TMEM30A: variants seen among roughly 807,000 people sequenced by gnomAD.
TMEM30A encodes the protein cell division cycle 50 P4-ATPase accessory subunit A.
A neutral mutation model predicts 38.2 loss-of-function variants in TMEM30A; 24 were observed. The ratio of observed to expected loss-of-function variants is 0.63; its 90% CI spans 0.46 to 0.88. TMEM30A has a LOEUF of 0.88. TMEM30A is among the 40% of genes least tolerant of loss of function. The pLI, the probability that TMEM30A is intolerant of heterozygous loss-of-function variation, is 0.00. For missense variants in TMEM30A, 370 were observed against 458.6 expected, an observed-to-expected ratio of 0.81 and a Z score of 1.77; for synonymous variants, 145 against 161.6, an observed-to-expected ratio of 0.90 and a Z score of 0.78.
chr6:75,257,111 C>T (rs1343827472), intron 6 of TMEM30A, among the ~76,000 whole-genome samples: 8 of 152,164 alleles, frequency 5.3e-5, no homozygotes, highest in Non-Finnish European at 1.2e-4. Context: ...CTCCCAATGG[C>T]AGGTTCAGTT....
chr6:75,284,749 A>C lies in TMEM30A; in HGVS notation c.-111T>G. ...CGCTGCCGCCGCCGCCGCCGCAGCC[A>C]CCAGCGCCACCGCCACAGCCACCTC... is the stretch of plus-strand genomic sequence containing the variant. On this transcript the variant is annotated 5_prime_UTR_variant, in exon 1 of 7. Transcript: ENST00000230461. 4 of 982,366 alleles carry C rather than the reference A, an allele frequency of 4.1e-6. No homozygotes were observed. The highest frequency in any genetic ancestry group is 1.8e-5 in the Admixed American group (1 of 54,354). 60.9% of individuals were successfully genotyped at this position (982,366 alleles called of 1,614,324 possible).
At chr6:75,257,906 T>C (rs755807117) in intron 6 of TMEM30A, among the ~76,000 whole-genome samples, 1 of 152,176 alleles carries the variant, frequency 6.6e-6, no homozygotes, top group South Asian at 2.1e-4. Flanking sequence ...TCACTCACAG[T>C]GTATGTAAAA....
At chr6:75,270,121 T>A (rs546764332) in intron 1 of TMEM30A, among the ~76,000 whole-genome samples, 2 of 152,330 alleles carry the variant, frequency 1.3e-5, no homozygotes, top group South Asian at 4.1e-4. Context: ...TTTACTTTTG[T>A]AAGAAACTGC....
At chr6:75,278,049 CT>C (rs535268279) in intron 1 of TMEM30A, among the ~76,000 whole-genome samples, 3 of 151,638 alleles carry the variant, frequency 2.0e-5, no homozygotes, top group South Asian at 2.1e-4. Context: ...ACTCCTATAA[CT>C]TTTTTTTTAA....
chr6:75,259,332 T>C lies in TMEM30A; in HGVS notation c.685+15A>G, dbSNP rs779480990. ...TCCTAGTTTAATTTTTTAAGGGATA[T>C]TAGTAATGTTTTACCTTTAAATCGT... is the stretch of plus-strand genomic sequence containing the variant. On this transcript the variant is annotated intron_variant, in intron 5 of 6. Coordinates refer to ENST00000230461, the MANE Select transcript of TMEM30A (RefSeq NM_018247.4). The C allele has an allele frequency of 1.3e-6, 2 of 1,598,530 alleles. No individual in the cohort carries two copies. Among genetic ancestry groups the C allele is most frequent in the Admixed American group, 1.8e-5 (1 of 55,824 alleles).
chr6:75,272,162 G>A (rs1048991388), intron 1 of TMEM30A, among the ~76,000 whole-genome samples: 5 of 152,132 alleles, frequency 3.3e-5, no homozygotes, highest in African/African-American at 1.2e-4. Context: ...CTAAGTGCTG[G>A]GCATTGTAAG....
intron 3 of TMEM30A, 52 bp from the exon 4 acceptor site, chr6:75,260,963 G>T: frequency 7.8e-7 from 1 of 1,274,960 alleles, no homozygotes; most frequent in Non-Finnish European, 1.1e-6. Flanking sequence ...GCCTTTGGGA[G>T]AACTATGAGC....
intron 4 of TMEM30A, among the ~76,000 whole-genome samples, chr6:75,260,201 C>CA: frequency 6.6e-6 from 1 of 151,922 alleles, no homozygotes; most frequent in East Asian, 1.9e-4. Flanking sequence ...GTCAGGAATA[C>CA]AAGACCAGCC....
In TMEM30A at chr6:75,258,882, C is replaced by T; in HGVS notation, c.790G>A (p.Ala264Thr). 1.2e-6 allele frequency: 2 copies of T among 1,613,898 alleles called. No individual in the cohort carries two copies. Among genetic ancestry groups the T allele is most frequent in the South Asian group, 1.1e-5 (1 of 91,070 alleles). ...NEDFIVWMRT[A>T]ALPTFRKLYR... ...AACTTGCGAAAAGTAGGTAATGCTG[C>T]AGTACGCATCCAAACAATAAAATCC... Residue 264 changes from alanine (A) to threonine (T), a missense_variant, in exon 6 of 7, where the codon GCA (alanine) becomes ACA (threonine). Ala to Thr is a moderately conservative substitution (Grantham distance 58). Transcript: ENST00000230461.
intron 1 of TMEM30A, chr6:75,272,464 C>G (rs1304656739): frequency 6.6e-6 from 1 of 152,194 alleles, no homozygotes; most frequent in Non-Finnish European, 1.5e-5. Flanking sequence ...TTGCACTTAC[C>G]TATTTAGGAA....
At chr6:75,261,263 T>C (rs1451988645) in intron 3 of TMEM30A, among the ~76,000 whole-genome samples, 1 of 152,222 alleles carries the variant, frequency 6.6e-6, no homozygotes. Flanking sequence ...AGTTGTGATA[T>C]AACAAGAAAA....
intron 3 of TMEM30A, among the ~76,000 whole-genome samples, chr6:75,261,929 T>C (rs1028213147): frequency 3.9e-5 from 6 of 152,218 alleles, no homozygotes; most frequent in African/African-American, 7.2e-5. Context: ...ATAGGGCAAA[T>C]ATATCTGCTA....
At chr6:75,258,119 T>C (rs1472433186) in intron 6 of TMEM30A, among the ~76,000 whole-genome samples, 8 of 152,192 alleles carry the variant, frequency 5.3e-5, no homozygotes, top group Non-Finnish European at 1.2e-4. Context: ...CTCAACTCTT[T>C]ATTATTACCT....
Position 75,256,211 on chromosome 6 carries a change from C to T in TMEM30A, c.977G>A (p.Gly326Glu). ...SWMGGKNPFL[G>E]IAYIAVGSIS... The stretch of plus-strand genomic sequence containing the variant: ...GGATCCAACAGCGATGTAAGCAATC[C>T]CCAAAAATGGATTTTTTCCTCCCAT... The change falls in exon 7 of 7, where the codon GGG becomes GAG. Residue 326 changes from glycine to glutamate, a missense_variant. Coordinates refer to ENST00000230461, the MANE Select transcript of TMEM30A (RefSeq NM_018247.4). 1 of 1,613,456 alleles carries T rather than the reference C, an allele frequency of 6.2e-7. No homozygotes were observed. The highest frequency in any genetic ancestry group is 8.5e-7 in the Non-Finnish European group (1 of 1,179,586).
chr6:75,275,984 G>C (rs955139679), intron 1 of TMEM30A, among the ~76,000 whole-genome samples: 1 of 152,186 alleles, frequency 6.6e-6, no homozygotes, highest in Non-Finnish European at 1.5e-5. Flanking sequence ...ACTGAAGGTT[G>C]AGTCCCAGGA....
chr6:75,261,343 C>G (rs1182419836), intron 3 of TMEM30A, among the ~76,000 whole-genome samples: 5 of 152,104 alleles, frequency 3.3e-5, no homozygotes, highest in Non-Finnish European at 7.4e-5. Flanking sequence ...AACTGGGCCT[C>G]ACAAAATAAA....
intron 3 of TMEM30A, among the ~76,000 whole-genome samples, chr6:75,262,423 T>C (rs913263269): frequency 7.2e-5 from 11 of 151,734 alleles, no homozygotes; most frequent in African/African-American, 2.7e-4. Flanking sequence ...GGCTGGTGGA[T>C]CACGAGGTCA....
intron 4 of TMEM30A, among the ~76,000 whole-genome samples, chr6:75,259,716 T>C (rs1450956749): frequency 1.3e-5 from 2 of 152,226 alleles, no homozygotes; most frequent in African/African-American, 2.4e-5. Context: ...CAGTTACCCA[T>C]AGGCTAGCTG....
chr6:75,259,453 A>G lies in TMEM30A; in HGVS notation c.579T>C (p.Tyr193=), dbSNP rs1319468683. Residue 193 remains tyrosine (Y), a synonymous_variant, in exon 5 of 7, where the codon TAT becomes TAC. Transcript: ENST00000230461. ...LELFLIGNDS[Y]PIPIALKKKG... ...TCTTTTTCAAAGCGATAGGTATAGG[A>G]TAAGAATCATTGCCAATGAGAAACA... The G allele has an allele frequency of 1.9e-6, 3 of 1,608,992 alleles. No individual in the cohort carries two copies. The highest frequency in any genetic ancestry group is 1.3e-5 in the African/African-American group (1 of 74,676).
Sources: allele counts gnomAD v4.1 joint callset (sites outside exome capture counted in the v4.1 genomes callset), GRCh38; gene constraint gnomAD v4.1.1; transcripts MANE v1.5; gene names NCBI Gene and HGNC (gene_info 2026-07-23, HGNC 2026-07-21).